JAM3: variants seen among roughly 807,000 people sequenced by gnomAD.
The protein encoded by JAM3 is junctional adhesion molecule 3.
A neutral mutation model predicts 39.4 loss-of-function variants in JAM3; 31 were observed. The observed-to-expected ratio is 0.79, with a 90% CI of 0.59 to 1.06. The LOEUF (loss-of-function observed/expected upper bound fraction) is 1.06. JAM3 is among the 50% of genes least tolerant of loss of function. The probability of loss-of-function intolerance (pLI) is 0.00; values close to 1 mark genes in which losing one functional copy is unlikely to be tolerated. For missense variants in JAM3, 455 were observed against 391.4 expected (o/e 1.16, Z -1.37); for synonymous variants, 182 against 148.7 (o/e 1.22, Z -1.63).
chr11:134,123,876 G>T (rs1942586431), intron 1 of JAM3: 1 of 871,786 alleles, frequency 1.1e-6, no homozygotes, highest in East Asian at 2.4e-5. Context: ...TCACATCTTA[G>T]GTCAGTATTT....
intron 1 of JAM3, among the ~76,000 whole-genome samples, chr11:134,113,060 G>A (rs887324937): frequency 3.9e-5 from 6 of 152,084 alleles, no homozygotes; most frequent in African/African-American, 9.7e-5. Context: ...CTAGCATCTC[G>A]GTCACTTGAA....
chr11:134,112,585 C>G (rs1289339900), intron 1 of JAM3, among the ~76,000 whole-genome samples: 1 of 152,160 alleles, frequency 6.6e-6, no homozygotes, highest in East Asian at 1.9e-4. Context: ...TACTATGTGT[C>G]CACCACCAAG....
intron 1 of JAM3, among the ~76,000 whole-genome samples, chr11:134,116,049 C>G (rs1239075322): frequency 6.6e-6 from 1 of 152,142 alleles, no homozygotes; most frequent in Non-Finnish European, 1.5e-5. Flanking sequence ...CAAGGTTTCT[C>G]CACTGTAAAG....
At chr11:134,106,366 A>C (rs1161738901) in intron 1 of JAM3, among the ~76,000 whole-genome samples, 1 of 152,090 alleles carries the variant, frequency 6.6e-6, no homozygotes, top group East Asian at 1.9e-4. Context: ...TTAAAGACTT[A>C]AATGTTAGAC....
Position 134,144,879 on chromosome 11 carries a change from A to G in JAM3, c.497A>G (p.His166Arg). The change falls in exon 5 of 9, where the codon CAC becomes CGC. Residue 166 changes from histidine (H) to arginine (R), a missense_variant. His to Arg is a conservative substitution (Grantham distance 29). Transcript: ENST00000299106. ...CTGCACTGCCAGGAGAGTGAGGGCC[A>G]CCCCCGGCCTCACTACAGCTGGTAT... ...ATLHCQESEGHPRPHYSWYRN... is the reference protein window; with the variant it reads ...ATLHCQESEGRPRPHYSWYRN... 1 of 1,613,836 alleles carries G rather than the reference A, an allele frequency of 6.2e-7. No individual in the cohort carries two copies. Among genetic ancestry groups the G allele is most frequent in the Non-Finnish European group, 8.5e-7 (1 of 1,179,818 alleles).
At chr11:134,131,622 G>A (rs1284598681) in intron 1 of JAM3, among the ~76,000 whole-genome samples, 2 of 152,102 alleles carry the variant, frequency 1.3e-5, no homozygotes, top group Non-Finnish European at 2.9e-5. Flanking sequence ...CACAGATATT[G>A]GACTTATTAG....
At chr11:134,120,504 G>A (rs773154167) in intron 1 of JAM3, among the ~76,000 whole-genome samples, 15 of 152,120 alleles carry the variant, frequency 9.9e-5, no homozygotes, top group East Asian at 3.8e-4. Flanking sequence ...TTAATTTTTC[G>A]TGGAAAGCTA....
chr11:134,150,975 G>GT lies in JAM3; in HGVS notation c.*1795dup, dbSNP rs1048394783. On this transcript the variant is annotated 3_prime_UTR_variant, in exon 9 of 9. Transcript: ENST00000299106. ...TCCGCCGGAGACACTGCTCCCATTT[G>GT]TGGGGGGACATTAGCAACATCACTC... 78 of 152,356 alleles carry GT rather than the reference G, an allele frequency of 5.1e-4. No individual in the cohort carries two copies. Among genetic ancestry groups the GT allele is most frequent in the African/African-American group, 1.6e-3 (68 of 41,574 alleles). The allele number at this position is 152,356 out of a possible 1,614,324, so 9.4% of individuals were successfully genotyped here. A position where few individuals can be genotyped will look rare whatever the true frequency, so the allele number is the denominator to read the frequency against.
Position 134,117,209 on chromosome 11 carries a change from AAAAAT to A in JAM3, c.77-22624_77-22620del, listed in dbSNP as rs1277095783. On this transcript the variant is annotated intron_variant, in intron 1 of 8. Transcript: ENST00000299106. ...AAACCCTGTCTCTACTAAAAGTACA[AAAAAT>A]AAAATAAAATAAAATAACCGGGGAT... Among the ~76,000 whole-genome samples, 227 of 152,218 alleles carry A rather than the reference AAAAAT, an allele frequency of 1.5e-3. 1 individual carries two copies. The highest frequency in any genetic ancestry group is 4.9e-3 in the African/African-American group (205 of 41,532).
chr11:134,105,071 T>C (rs1348713130), intron 1 of JAM3, among the ~76,000 whole-genome samples: 1 of 152,158 alleles, frequency 6.6e-6, no homozygotes, highest in Non-Finnish European at 1.5e-5. Flanking sequence ...TTTAGACCAA[T>C]ATCCCTGATC....
At chr11:134,121,638 CTTTAAT>C (rs1358455599) in intron 1 of JAM3, among the ~76,000 whole-genome samples, 36 of 152,072 alleles carry the variant, frequency 2.4e-4, no homozygotes, top group Admixed American at 2.3e-3. Context: ...AAAAAGATTC[CTTTAAT>C]TTTAAGGAAA....
intron 1 of JAM3, among the ~76,000 whole-genome samples, chr11:134,093,624 C>T (rs1295842342): frequency 2.5e-5 from 3 of 119,280 alleles, no homozygotes; most frequent in African/African-American, 7.0e-5. Context: ...ACATCTTATT[C>T]GTCATGTTCC....
Position 134,139,588 on chromosome 11 carries a change from C to T in JAM3, c.77-263C>T, listed in dbSNP as rs1336424791. 8.2e-6 allele frequency: 4 copies of T among 485,424 alleles called. No individual in the cohort carries two copies. In the East Asian group the frequency reaches 1.2e-4, roughly 15 times the overall value. The allele number at this position is 485,424 out of a possible 1,614,324, so 30.1% of individuals were successfully genotyped here. On this transcript the variant is annotated intron_variant, in intron 1 of 8. Transcript: ENST00000299106. ...AAATGCTTAGACAAAGGCTTTAAAG[C>T]TCTGAGGGCTTTGTTCTGGGACTAA...
chr11:134,122,350 ATATT>A (rs1213755530), intron 1 of JAM3, among the ~76,000 whole-genome samples: 3 of 152,210 alleles, frequency 2.0e-5, no homozygotes, highest in Non-Finnish European at 4.4e-5. Context: ...TGAGAATGTA[ATATT>A]TAGAGGTAAA....
At chr11:134,108,096 C>T (rs1312274211) in intron 1 of JAM3, among the ~76,000 whole-genome samples, 2 of 151,850 alleles carry the variant, frequency 1.3e-5, no homozygotes, top group Admixed American at 6.6e-5. Flanking sequence ...AACAAGTTAA[C>T]AATGCCAGGA....
At chr11:134,143,779 AT>A (rs1943017988) in intron 3 of JAM3, among the ~76,000 whole-genome samples, 1 of 152,090 alleles carries the variant, frequency 6.6e-6, no homozygotes, top group Admixed American at 6.5e-5. Context: ...ATGCTTATGC[AT>A]TTTTCTAAGA....
chr11:134,146,125 C>A, intron 6 of JAM3, 80 bp downstream of exon 6: 3 of 975,780 alleles, frequency 3.1e-6, no homozygotes, highest in Non-Finnish European at 4.9e-6. Context: ...ATACCATCAG[C>A]TTAGAGAACT....
At chr11:134,070,110 C>G (rs1941463760) in intron 1 of JAM3, 1 of 455,582 alleles carries the variant, frequency 2.2e-6, no homozygotes, top group Admixed American at 2.4e-5. Context: ...CACTTTGGAG[C>G]CATTATCTCG....
At position 134,069,088 on chromosome 11, in the gene JAM3, C is replaced by T. The variant is rs764092053; in HGVS notation, c.5C>T (p.Ala2Val). 1 of 1,611,184 alleles carries T rather than the reference C, an allele frequency of 6.2e-7. No individual in the cohort carries two copies. The highest frequency in any genetic ancestry group is 1.1e-5 in the South Asian group (1 of 90,848). Residue 2 changes from alanine (A) to valine (V), a missense_variant, in exon 1 of 9, where the codon GCG becomes GTG. Coordinates refer to ENST00000299106, the MANE Select transcript of JAM3 (RefSeq NM_032801.5). Reference sequence around the variant, plus strand: ...GGCCCCTCAGCAACCCTCGACATGGCGCTGAGGCGGCCACCGCGACTCCGG... The same window carrying T: ...GGCCCCTCAGCAACCCTCGACATGGTGCTGAGGCGGCCACCGCGACTCCGG... Reference protein sequence around the residue: MALRRPPRLRLC... With the variant: MVLRRPPRLRLC...
Sources: gnomAD v4.1 joint callset for allele counts (sites outside exome capture counted in the v4.1 genomes callset) on GRCh38, gnomAD v4.1.1 for gene constraint, MANE v1.5 for transcripts, NCBI Gene and HGNC (gene_info 2026-07-23, HGNC 2026-07-21) for gene names.